The following SYN3 variants were observed in gnomAD, a reference collection of about 807,000 sequenced individuals.
The protein encoded by SYN3 is synapsin III, also known as synapsin-3.
A neutral mutation model predicts 65.8 loss-of-function variants in SYN3; 35 were observed. That is an observed-to-expected ratio of 0.53 (90% CI 0.41 to 0.70). SYN3 has a LOEUF of 0.70. Among genes scored for constraint, SYN3 ranks in the 30% least tolerant of loss-of-function variants. The pLI, the probability that SYN3 is intolerant of heterozygous loss-of-function variation, is 0.00. For missense variants in SYN3, 680 were observed against 749.0 expected (o/e 0.91, Z 1.08); for synonymous variants, 270 against 292.9 (o/e 0.92, Z 0.80).
intron 6 of SYN3, among the ~76,000 whole-genome samples, chr22:32,832,253 C>T (rs115726591): frequency 1.3e-5 from 2 of 152,232 alleles, no homozygotes; most frequent in Admixed American, 6.5e-5. Flanking sequence ...ACAGGAAGCA[C>T]GTGACAACTT....
chr22:32,986,658 T>C (rs1236383349), intron 2 of SYN3, among the ~76,000 whole-genome samples: 3 of 152,306 alleles, frequency 2.0e-5, no homozygotes, highest in Admixed American at 1.3e-4. Context: ...TTGCTGCCTC[T>C]GTAATTGACT....
intron 6 of SYN3, among the ~76,000 whole-genome samples, chr22:32,665,114 C>T (rs1482758564): frequency 2.7e-5 from 4 of 149,770 alleles, no homozygotes; most frequent in African/African-American, 9.8e-5. Context: ...TCTCATGTCT[C>T]AGCCTCCCAC....
intron 3 of SYN3, among the ~76,000 whole-genome samples, chr22:32,950,685 G>A (rs1228498258): frequency 6.6e-6 from 1 of 152,132 alleles, no homozygotes; most frequent in Admixed American, 6.5e-5. Flanking sequence ...CCGCAGATGA[G>A]GTTTGGCTTC....
chr22:33,028,524 A>G (rs1358968069), intron 1 of SYN3, among the ~76,000 whole-genome samples: 2 of 152,204 alleles, frequency 1.3e-5, no homozygotes, highest in Non-Finnish European at 2.9e-5. Context: ...GCCCAGATTT[A>G]TAGCCTGTAA....
At chr22:32,650,108 G>A (rs774935594) in intron 6 of SYN3, among the ~76,000 whole-genome samples, 21 of 152,010 alleles carry the variant, frequency 1.4e-4, no homozygotes, top group Non-Finnish European at 1.8e-4. Context: ...TAAGACAGAC[G>A]CAATCTCAAA....
At chr22:32,581,205 G>A (rs935386786) in intron 7 of SYN3, among the ~76,000 whole-genome samples, 1 of 152,172 alleles carries the variant, frequency 6.6e-6, no homozygotes, top group African/African-American at 2.4e-5. Flanking sequence ...TGCCTCCCAG[G>A]TTCAAATAAT....
intron 1 of SYN3, among the ~76,000 whole-genome samples, chr22:33,048,339 G>A (rs1392783512): frequency 6.6e-6 from 1 of 152,130 alleles, no homozygotes; most frequent in Non-Finnish European, 1.5e-5. Context: ...TGGCAACACT[G>A]CATCTTATTC....
intron 6 of SYN3, among the ~76,000 whole-genome samples, chr22:32,757,059 A>C (rs11089593): frequency 9.3e-5 from 14 of 149,860 alleles, no homozygotes; most frequent in Middle Eastern, 3.5e-3. Context: ...CTTTTTTTTG[A>C]GGGGGGGTGG....
At chr22:32,968,867 A>C (rs1439175014) in intron 3 of SYN3, among the ~76,000 whole-genome samples, 1 of 152,202 alleles carries the variant, frequency 6.6e-6, no homozygotes, top group Non-Finnish European at 1.5e-5. Flanking sequence ...TTGAGTGTGG[A>C]GGGCTCTGTC....
chr22:32,853,425 T>C lies in SYN3; in HGVS notation c.711+11490A>G, dbSNP rs530915953. Among the ~76,000 whole-genome samples, 12 of 152,346 alleles carry C rather than the reference T, an allele frequency of 7.9e-5. 1 individual carries two copies. The East Asian group carries it at 1.2e-3, about 15-fold the overall frequency. Reference sequence around the variant, plus strand: ...GCATGCAAGACATAGTTGGAATCATTGAGGCAACTCATGCTGTCAATGTAG... The same window carrying C: ...GCATGCAAGACATAGTTGGAATCATCGAGGCAACTCATGCTGTCAATGTAG... On this transcript the variant is annotated intron_variant, in intron 6 of 13. Coordinates refer to ENST00000358763, the MANE Select transcript of SYN3 (RefSeq NM_003490.4).
chr22:33,033,910 C>T (rs1212108444), intron 1 of SYN3, among the ~76,000 whole-genome samples: 1 of 152,084 alleles, frequency 6.6e-6, no homozygotes, highest in Non-Finnish European at 1.5e-5. Flanking sequence ...ATTAGCCAGG[C>T]ACGGTGGTTC....
chr22:32,764,222 T>C (rs4820093), intron 6 of SYN3, among the ~76,000 whole-genome samples: 118,723 of 151,596 alleles, frequency 0.78, 47,319 homozygotes, highest in African/African-American at 0.94. Flanking sequence ...AGATTACAGG[T>C]GTGAGCCACT....
At position 32,773,592 on chromosome 22, in the gene SYN3, A is replaced by G. The variant is rs542272681; in HGVS notation, c.711+91323T>C. Among the ~76,000 whole-genome samples the G allele has an allele frequency of 9.2e-5, 14 of 152,226 alleles. No homozygotes were observed. The South Asian group carries it at 2.5e-3, about 27-fold the overall frequency. On this transcript the variant is annotated intron_variant, in intron 6 of 13. Transcript: ENST00000358763. ...ATGTAATTGTTGGTAGCTATCTTCA[A>G]TTCTGGTTGATGTCATGCAGACTGA...
At chr22:32,825,128 C>G (rs1466612019) in intron 6 of SYN3, among the ~76,000 whole-genome samples, 1 of 151,664 alleles carries the variant, frequency 6.6e-6, no homozygotes, top group Non-Finnish European at 1.5e-5. Context: ...GGGGTAGGGA[C>G]AGGGGCAGTG....
intron 4 of SYN3, among the ~76,000 whole-genome samples, chr22:32,928,610 T>C (rs1030914696): frequency 1.3e-5 from 2 of 152,156 alleles, no homozygotes; most frequent in Admixed American, 1.3e-4. Flanking sequence ...TTTTTTCCTC[T>C]GGCTTTTTCT....
chr22:32,921,820 GTTATTA>G (rs1569328428), intron 4 of SYN3, among the ~76,000 whole-genome samples: 1 of 151,978 alleles, frequency 6.6e-6, no homozygotes, highest in Non-Finnish European at 1.5e-5. Context: ...AGGAGGTATT[GTTATTA>G]TTATTATTAG....
chr22:32,871,006 T>C (rs777301219), intron 4 of SYN3, among the ~76,000 whole-genome samples: 9 of 152,212 alleles, frequency 5.9e-5, no homozygotes, highest in Non-Finnish European at 1.3e-4. Context: ...CATAAATACA[T>C]TGTCCATGGC....
chr22:32,971,919 G>A (rs931066382), intron 3 of SYN3, among the ~76,000 whole-genome samples: 2 of 152,204 alleles, frequency 1.3e-5, no homozygotes, highest in African/African-American at 4.8e-5. Flanking sequence ...CGGCAACTCT[G>A]CAAGAAGCTC....
chr22:32,772,377 T>A (rs980204641), intron 6 of SYN3, among the ~76,000 whole-genome samples: 1 of 149,010 alleles, frequency 6.7e-6, no homozygotes, highest in Non-Finnish European at 1.5e-5. Flanking sequence ...AGATGTGGAG[T>A]GAGCCTGGGG....
Sources: gnomAD v4.1 joint callset for allele counts (sites outside exome capture counted in the v4.1 genomes callset) on GRCh38, gnomAD v4.1.1 for gene constraint, MANE v1.5 for transcripts, NCBI Gene and HGNC (gene_info 2026-07-23, HGNC 2026-07-21) for gene names.